The following FAM107B variants were observed in gnomAD, a reference collection of about 807,000 sequenced individuals.
FAM107B encodes the protein protein FAM107B.
Under a neutral mutation model 31.5 loss-of-function variants are expected in FAM107B, and 21 were observed. That is an observed-to-expected ratio of 0.67 (90% CI 0.47 to 0.96). The LOEUF is 0.96. Among genes scored for constraint, FAM107B ranks in the 40% least tolerant of loss-of-function variants. The pLI is 0.00. For synonymous variants in FAM107B, 157 were observed against 141.5 expected (o/e 1.11, Z -0.78); for missense variants, 452 against 377.1 (o/e 1.20, Z -1.64).
At chr10:14,552,823 A>T (rs1849380284) in intron 2 of FAM107B, among the ~76,000 whole-genome samples, 1 of 149,962 alleles carries the variant, frequency 6.7e-6, no homozygotes, top group Non-Finnish European at 1.5e-5. Flanking sequence ...GACTCCATTA[A>T]AAAAAAAAGT....
intron 2 of FAM107B, among the ~76,000 whole-genome samples, chr10:14,646,094 T>C (rs558591069): frequency 2.0e-5 from 3 of 152,338 alleles, no homozygotes; most frequent in East Asian, 1.9e-4. Context: ...ATTAAACAGA[T>C]TGTCCGTAAT....
chr10:14,666,147 C>G (rs1854398489), intron 2 of FAM107B, among the ~76,000 whole-genome samples: 1 of 152,066 alleles, frequency 6.6e-6, no homozygotes, highest in Non-Finnish European at 1.5e-5. Flanking sequence ...TGTAATAAAC[C>G]ACAGATTAAC....
intron 2 of FAM107B, among the ~76,000 whole-genome samples, chr10:14,635,374 A>C (rs1292406957): frequency 6.6e-6 from 1 of 152,194 alleles, no homozygotes; most frequent in East Asian, 1.9e-4. Context: ...AGCCCACCTA[A>C]GGCTAAAAGA....
chr10:14,602,116 G>A (rs1202259596), intron 2 of FAM107B, among the ~76,000 whole-genome samples: 5 of 152,090 alleles, frequency 3.3e-5, no homozygotes, highest in South Asian at 2.1e-4. Context: ...AACACATCAC[G>A]ACTCCTGAAG....
chr10:14,533,087 G>A (rs1847205585), intron 2 of FAM107B, among the ~76,000 whole-genome samples: 1 of 152,114 alleles, frequency 6.6e-6, no homozygotes. Flanking sequence ...AGGGCCATGG[G>A]GAGTCATTTC....
intron 3 of FAM107B, chr10:14,530,063 C>T (rs865831632): frequency 3.0e-5 from 10 of 334,704 alleles, no homozygotes; most frequent in East Asian, 5.7e-5. Context: ...CTCTTCCATC[C>T]GAATTTGGAA....
intron 1 of FAM107B, among the ~76,000 whole-genome samples, chr10:14,728,161 G>A (rs1393304418): frequency 6.6e-6 from 1 of 152,120 alleles, no homozygotes; most frequent in African/African-American, 2.4e-5. Flanking sequence ...TGGGCTCAAA[G>A]CCATGACTTG....
chr10:14,765,495 G>T (rs982431650), intron 1 of FAM107B, among the ~76,000 whole-genome samples: 1 of 152,146 alleles, frequency 6.6e-6, no homozygotes, highest in South Asian at 2.1e-4. Context: ...TATCATGCAC[G>T]ATCATGCCAC....
intron 2 of FAM107B, among the ~76,000 whole-genome samples, chr10:14,622,266 T>C (rs1268964360): frequency 6.6e-6 from 1 of 151,120 alleles, no homozygotes; most frequent in Non-Finnish European, 1.5e-5. Context: ...CATAATACAA[T>C]AAATGCTGTG....
At chr10:14,761,379 T>G (rs1392603653) in intron 1 of FAM107B, among the ~76,000 whole-genome samples, 2 of 152,218 alleles carry the variant, frequency 1.3e-5, no homozygotes, top group Admixed American at 6.5e-5. Context: ...TTCTGTGGCT[T>G]ATTGTTAAAA....
intron 1 of FAM107B, among the ~76,000 whole-genome samples, chr10:14,726,977 T>G (rs1856049453): frequency 6.6e-6 from 1 of 151,948 alleles, no homozygotes; most frequent in African/African-American, 2.4e-5. Flanking sequence ...TTCCTGCAAC[T>G]AGATGGTCCC....
intron 1 of FAM107B, among the ~76,000 whole-genome samples, chr10:14,753,377 A>T (rs1346757230): frequency 6.6e-6 from 1 of 152,242 alleles, no homozygotes. Context: ...ACCCCGTTAC[A>T]TCAAAGCCGT....
chr10:14,604,001 C>G (rs1852496414), intron 2 of FAM107B, among the ~76,000 whole-genome samples: 1 of 147,270 alleles, frequency 6.8e-6, no homozygotes, highest in Admixed American at 6.7e-5. Flanking sequence ...CCCGCCTCCG[C>G]GGCGCCCCCC....
chr10:14,581,591 A>G (rs1571038), intron 2 of FAM107B, among the ~76,000 whole-genome samples: 100,719 of 152,134 alleles, frequency 0.66, 33,593 homozygotes, highest in East Asian at 0.8. Context: ...AGGTGTCCAC[A>G]CCAGGAGCAG....
intron 2 of FAM107B, among the ~76,000 whole-genome samples, chr10:14,597,822 T>C (rs908788069): frequency 1.3e-5 from 2 of 152,150 alleles, no homozygotes; most frequent in Non-Finnish European, 2.9e-5. Flanking sequence ...TGGTGGCACA[T>C]GCCTGTAATC....
At chr10:14,609,506 C>A (rs1053138648) in intron 2 of FAM107B, among the ~76,000 whole-genome samples, 9 of 152,186 alleles carry the variant, frequency 5.9e-5, no homozygotes. Context: ...GAAACCTCAT[C>A]ATGTGGCCCT....
At chr10:14,552,821 T>C (rs1008002196) in intron 2 of FAM107B, among the ~76,000 whole-genome samples, 1 of 147,422 alleles carries the variant, frequency 6.8e-6, no homozygotes, top group Non-Finnish European at 1.5e-5. Flanking sequence ...AAGACTCCAT[T>C]AAAAAAAAAA....
intron 1 of FAM107B, among the ~76,000 whole-genome samples, chr10:14,718,008 G>A (rs1054622558): frequency 6.6e-6 from 1 of 152,082 alleles, no homozygotes; most frequent in African/African-American, 2.4e-5. Context: ...TTGGTTCTTG[G>A]TTCCTGGGGG....
chr10:14,774,095 C>G (rs1316528159), intron 1 of FAM107B, among the ~76,000 whole-genome samples, 158 bp downstream of exon 1: 4 of 152,202 alleles, frequency 2.6e-5, no homozygotes, highest in Non-Finnish European at 5.9e-5. Flanking sequence ...CTCTGAGAAT[C>G]TACACGGCTT....
Sources: gnomAD v4.1 joint callset for allele counts (sites outside exome capture counted in the v4.1 genomes callset) on GRCh38, gnomAD v4.1.1 for gene constraint, MANE v1.5 for transcripts, NCBI Gene and HGNC (gene_info 2026-07-23, HGNC 2026-07-21) for gene names.